KCNT2: variants seen among roughly 807,000 people sequenced by gnomAD.
The protein encoded by KCNT2 is potassium channel subfamily T member 2.
KCNT2 carries 67 observed loss-of-function variants against 153.8 expected under a neutral mutation model. That is an observed-to-expected ratio of 0.44 (90% CI 0.36 to 0.53). The LOEUF (loss-of-function observed/expected upper bound fraction) is 0.53, where lower values mean the gene tolerates loss of function less well. Ranked by LOEUF, KCNT2 falls within the 20% of genes least tolerant of loss-of-function variation. The pLI, the probability that KCNT2 is intolerant of heterozygous loss-of-function variation, is 0.00. For synonymous variants in KCNT2, 500 were observed against 458.8 expected, an observed-to-expected ratio of 1.09 and a Z score of -1.15; for missense variants, 975 against 1,354.8, an observed-to-expected ratio of 0.72 and a Z score of 4.40.
At chr1:196,271,126 GA>G (rs1379460078) in intron 25 of KCNT2, among the ~76,000 whole-genome samples, 3 of 151,852 alleles carry the variant, frequency 2.0e-5, no homozygotes. Flanking sequence ...CCTGTGGAAA[GA>G]AAATTTTTAT....
intron 14 of KCNT2, among the ~76,000 whole-genome samples, chr1:196,342,651 G>A (rs1007632664): frequency 6.6e-6 from 1 of 151,510 alleles, no homozygotes; most frequent in Non-Finnish European, 1.5e-5. Context: ...TCTTACCTAT[G>A]ATACCTGCGT....
At chr1:196,439,376 T>C (rs2148581470) in intron 8 of KCNT2, among the ~76,000 whole-genome samples, 1 of 152,020 alleles carries the variant, frequency 6.6e-6, no homozygotes, top group South Asian at 2.1e-4. Flanking sequence ...ACAACCAATG[T>C]ACAACAGAAA....
intron 7 of KCNT2, 136 bp from the exon 8 acceptor site, chr1:196,465,523 A>C: frequency 3.3e-6 from 2 of 612,172 alleles, no homozygotes. Context: ...TGTATTTCAA[A>C]TGGAAATATA....
intron 1 of KCNT2, among the ~76,000 whole-genome samples, chr1:196,542,280 T>C (rs1040751616): frequency 6.6e-6 from 1 of 152,154 alleles, no homozygotes; most frequent in Non-Finnish European, 1.5e-5. Context: ...CAAATATGCA[T>C]TACCTTTCCA....
chr1:196,540,307 A>G (rs1365953495), intron 1 of KCNT2, among the ~76,000 whole-genome samples: 1 of 152,236 alleles, frequency 6.6e-6, no homozygotes, highest in African/African-American at 2.4e-5. Context: ...AAGGAAATTG[A>G]CTAAAATTGC....
intron 1 of KCNT2, among the ~76,000 whole-genome samples, chr1:196,572,714 G>T (rs1253671777): frequency 6.6e-6 from 1 of 152,008 alleles, no homozygotes; most frequent in Non-Finnish European, 1.5e-5. Flanking sequence ...GGTTAATGTA[G>T]ACTTTCAATA....
chr1:196,257,337 A>C, intron 26 of KCNT2: 1 of 981,414 alleles, frequency 1.0e-6, no homozygotes, highest in Non-Finnish European at 1.2e-6. Flanking sequence ...ATTTCTTCCT[A>C]AGAACATTGC....
At chr1:196,240,474 T>C (rs964374647) in intron 26 of KCNT2, among the ~76,000 whole-genome samples, 1 of 152,010 alleles carries the variant, frequency 6.6e-6, no homozygotes, top group East Asian at 1.9e-4. Context: ...AAGTGCAACA[T>C]AAAGGTTATG....
intron 14 of KCNT2, among the ~76,000 whole-genome samples, chr1:196,362,825 A>G (rs1667742766): frequency 6.6e-6 from 1 of 152,142 alleles, no homozygotes; most frequent in Non-Finnish European, 1.5e-5. Flanking sequence ...ATACCAAAGT[A>G]ACTTCTTAGT....
At chr1:196,326,448 T>A (rs1663866160) in intron 19 of KCNT2, among the ~76,000 whole-genome samples, 1 of 152,132 alleles carries the variant, frequency 6.6e-6, no homozygotes, top group South Asian at 2.1e-4. Flanking sequence ...GTGGCCTATT[T>A]CCTGTGGTAT....
At chr1:196,436,786 G>C (rs1273334248) in intron 8 of KCNT2, among the ~76,000 whole-genome samples, 1 of 150,186 alleles carries the variant, frequency 6.7e-6, no homozygotes, top group Non-Finnish European at 1.5e-5. Flanking sequence ...ACATTCATAA[G>C]CATAATATTC....
At chr1:196,416,475 T>C (rs1672762157) in intron 12 of KCNT2, among the ~76,000 whole-genome samples, 1 of 152,088 alleles carries the variant, frequency 6.6e-6, no homozygotes, top group South Asian at 2.1e-4. Context: ...GCTGGGGATG[T>C]TGGAAAGTAT....
At chr1:196,489,992 T>A in intron 2 of KCNT2, 55 bp from the exon 3 acceptor site, 2 of 765,822 alleles carry the variant, frequency 2.6e-6, no homozygotes, top group Non-Finnish European at 4.2e-6. Context: ...CACAAAAGAC[T>A]AAAAAGAATT....
At chr1:196,398,724 TATAAA>T (rs1671163530) in intron 12 of KCNT2, 53 bp from the exon 13 acceptor site, 2 of 957,842 alleles carry the variant, frequency 2.1e-6, no homozygotes, top group Admixed American at 2.2e-5. Context: ...GTTTATAACA[TATAAA>T]GTAAAAGTAA....
chr1:196,536,993 C>T (rs1655670673), intron 1 of KCNT2, among the ~76,000 whole-genome samples: 1 of 152,184 alleles, frequency 6.6e-6, no homozygotes, highest in Non-Finnish European at 1.5e-5. Context: ...GGACCAATAG[C>T]CTACTGGTAT....
intron 1 of KCNT2, among the ~76,000 whole-genome samples, chr1:196,548,928 T>G (rs1270256644): frequency 6.6e-6 from 1 of 150,742 alleles, no homozygotes; most frequent in Non-Finnish European, 1.5e-5. Context: ...CACCGCATAG[T>G]CTCACTCATA....
intron 12 of KCNT2, among the ~76,000 whole-genome samples, chr1:196,410,725 A>G (rs999154194): frequency 6.9e-6 from 1 of 145,958 alleles, no homozygotes. Context: ...AAAAAAAAAA[A>G]CTTGTCTATT....
chr1:196,445,230 C>T (rs1557943996), intron 8 of KCNT2, among the ~76,000 whole-genome samples: 1 of 151,258 alleles, frequency 6.6e-6, no homozygotes. Context: ...GTAAGATTAA[C>T]ACTCAATTTA....
At chr1:196,322,410 A>G (rs1663412748) in intron 19 of KCNT2, among the ~76,000 whole-genome samples, 1 of 151,888 alleles carries the variant, frequency 6.6e-6, no homozygotes, top group African/African-American at 2.4e-5. Context: ...GAAACAAAAC[A>G]AAAAAACACA....
Sources: allele counts gnomAD v4.1 joint callset (sites outside exome capture counted in the v4.1 genomes callset), GRCh38; gene constraint gnomAD v4.1.1; transcripts MANE v1.5; gene names NCBI Gene and HGNC (gene_info 2026-07-23, HGNC 2026-07-21).